The following ZFR variants were observed in gnomAD, a reference collection of about 807,000 sequenced individuals.
The protein encoded by ZFR is zinc finger RNA binding protein.
Under a neutral mutation model 130.7 loss-of-function variants are expected in ZFR, and 19 were observed. That is an observed-to-expected ratio of 0.15 (90% CI 0.10 to 0.21). The LOEUF (loss-of-function observed/expected upper bound fraction) is 0.21. ZFR is among the 10% of genes least tolerant of loss of function. The pLI is 1.00. For synonymous variants in ZFR, 466 were observed against 456.9 expected (o/e 1.02, Z -0.25); for missense variants, 872 against 1,321.5 (o/e 0.66, Z 5.27).
Position 32,397,251 on chromosome 5 carries a change from A to T in ZFR, c.1801T>A (p.Leu601Ile). 1 of 1,611,974 alleles carries T rather than the reference A, an allele frequency of 6.2e-7. No individual in the cohort carries two copies. Among genetic ancestry groups the T allele is most frequent in the Non-Finnish European group, 8.5e-7 (1 of 1,179,094 alleles). Residue 601 changes from leucine to isoleucine, a missense_variant, in exon 10 of 20, where the codon TTA becomes ATA. Leu to Ile is a conservative substitution (Grantham distance 5, BLOSUM62 2). Transcript: ENST00000265069. ...FNDPNAKEMH[L>I]KGRRHRLQYK... ...TGAAGTCTGTGTCTTCGCCCTTTTA[A>T]GTGCATCTCCTTAGCATTGGGATCA...
chr5:32,412,315 T>A (rs1753731584), intron 5 of ZFR, among the ~76,000 whole-genome samples: 2 of 152,312 alleles, frequency 1.3e-5, no homozygotes, highest in Admixed American at 6.5e-5. Context: ...GTTACCTGAA[T>A]CTAAACATAA....
At chr5:32,408,842 C>T (rs1753637664) in intron 5 of ZFR, among the ~76,000 whole-genome samples, 1 of 152,204 alleles carries the variant, frequency 6.6e-6, no homozygotes, top group African/African-American at 2.4e-5. Flanking sequence ...TCTATTATCA[C>T]ACTTTCTATC....
In ZFR at chr5:32,354,950, G is replaced by C. The variant is rs1472074664; in HGVS notation, c.*810C>G. On this transcript the variant is annotated 3_prime_UTR_variant, in exon 20 of 20. Transcript: ENST00000265069. ...TATGTCAAAAAGTCAACTGTACAAA[G>C]ATCTACGTGTTAAACCTAAAATTAT... 1.3e-5 allele frequency: 2 copies of C among 152,156 alleles called. No individual in the cohort carries two copies. The highest frequency in any genetic ancestry group is 4.8e-5 in the African/African-American group (2 of 41,426). The allele number at this position is 152,156 out of a possible 1,614,324, so 9.4% of individuals were successfully genotyped here. A position where few individuals can be genotyped will look rare whatever the true frequency, so the allele number is the denominator to read the frequency against.
At chr5:32,409,230 T>C (rs1036331285) in intron 5 of ZFR, among the ~76,000 whole-genome samples, 1 of 152,176 alleles carries the variant, frequency 6.6e-6, no homozygotes, top group Non-Finnish European at 1.5e-5. Context: ...GAGATCTTAG[T>C]CTAGAAATGG....
chr5:32,387,671 C>T lies in ZFR; in HGVS notation c.2377G>A (p.Val793Ile), dbSNP rs758446395. Residue 793 changes from valine (V) to isoleucine (I), a missense_variant, in exon 14 of 20, where the codon GTA (valine) becomes ATA (isoleucine). Val to Ile is a conservative substitution (Grantham distance 29, BLOSUM62 3). Transcript: ENST00000265069. ...CGGAGAAGTAATCCTTTTGCCAATA[C>T]TCCCACTCGCAAAACTCCTTTCAAA... The part of the protein sequence containing the change: ...RALKGVLRVG[V>I]LAKGLLLRGD... The T allele has an allele frequency of 1.9e-6, 3 of 1,612,170 alleles. No individual in the cohort carries two copies. The African/African-American group carries it at 4.0e-5, about 22-fold the overall frequency.
In ZFR at chr5:32,355,814, A is replaced by G. The variant is rs781303935; in HGVS notation, c.3171T>C (p.Val1057=). 5 of 1,607,264 alleles carry G rather than the reference A, an allele frequency of 3.1e-6. No homozygotes were observed. The highest frequency in any genetic ancestry group is 4.2e-6 in the Non-Finnish European group (5 of 1,177,808). Residue 1057 remains valine (V), a synonymous_variant, in exon 20 of 20, where the codon GTT becomes GTC. Coordinates refer to ENST00000265069, the MANE Select transcript of ZFR (RefSeq NM_016107.5). The part of the protein sequence containing the change: ...NRKRRRDSDG[V]DGFEAEGKKD... ...TTTTCCCCTCAGCTTCAAATCCATC[A>G]ACTCCATCACTATCTCTTCTTCGTT...
intron 17 of ZFR, among the ~76,000 whole-genome samples, chr5:32,377,499 T>C (rs893632539): frequency 2.0e-5 from 3 of 151,180 alleles, no homozygotes; most frequent in African/African-American, 7.3e-5. Flanking sequence ...AACTTTCATA[T>C]AGCAAAAATC....
chr5:32,406,455 C>G (rs528780376), intron 6 of ZFR, among the ~76,000 whole-genome samples: 4 of 151,970 alleles, frequency 2.6e-5, no homozygotes, highest in African/African-American at 9.7e-5. Flanking sequence ...AAAAACACAA[C>G]GAAATAAAAA....
At chr5:32,395,797 AT>A (rs1753291467) in intron 10 of ZFR, among the ~76,000 whole-genome samples, 1 of 152,044 alleles carries the variant, frequency 6.6e-6, no homozygotes, top group South Asian at 2.1e-4. Flanking sequence ...TCTCAATAAT[AT>A]TTTCTCTTCT....
chr5:32,420,068 G>T lies in ZFR; in HGVS notation c.173C>A (p.Pro58Gln), dbSNP rs760506435. 6.2e-7 allele frequency: 1 copy of T among 1,609,592 alleles called. No homozygotes were observed. The highest frequency in any genetic ancestry group is 8.5e-7 in the Non-Finnish European group (1 of 1,177,324). ...QPASGVAYSH[P>Q]TTVASYTVHQ... ...GACAGTGTAGCTAGCAACTGTAGTT[G>T]GATGAGAATAGGCTACACCCGAAGC... The change falls in exon 3 of 20, where the codon CCA becomes CAA. Residue 58 changes from proline to glutamine, a missense_variant. By Grantham distance (76) the Pro-to-Gln change is moderately conservative (BLOSUM62 -1). Around this residue, in one of 7 missense-constraint regions of ZFR, gnomAD observed 240 missense variants for 441.2 expected, o/e 0.54. Coordinates refer to ENST00000265069, the MANE Select transcript of ZFR (RefSeq NM_016107.5).
At chr5:32,435,783 T>C (rs1378998074) in intron 2 of ZFR, among the ~76,000 whole-genome samples, 2 of 152,206 alleles carry the variant, frequency 1.3e-5, no homozygotes, top group Admixed American at 6.5e-5. Context: ...AAAAAATTTA[T>C]TTTCATTTGA....
intron 17 of ZFR, among the ~76,000 whole-genome samples, chr5:32,366,613 ATAGC>A (rs1248826616): frequency 6.6e-6 from 1 of 152,228 alleles, no homozygotes; most frequent in African/African-American, 2.4e-5. Context: ...TCTAAAGAAC[ATAGC>A]TATTCTCCAA....
At chr5:32,432,549 C>T (rs1207237497) in intron 2 of ZFR, among the ~76,000 whole-genome samples, 1 of 152,058 alleles carries the variant, frequency 6.6e-6, no homozygotes, top group African/African-American at 2.4e-5. Flanking sequence ...TAGCTGGTCT[C>T]AAACTCCTGA....
At chr5:32,441,327 T>C (rs367778504) in intron 2 of ZFR, among the ~76,000 whole-genome samples, 2 of 152,242 alleles carry the variant, frequency 1.3e-5, no homozygotes, top group South Asian at 4.1e-4. Flanking sequence ...TATTCAATGA[T>C]AGGTGAAGCA....
At chr5:32,389,575 G>A (rs891276624) in intron 12 of ZFR, among the ~76,000 whole-genome samples, 4 of 151,952 alleles carry the variant, frequency 2.6e-5, no homozygotes, top group African/African-American at 7.3e-5. Flanking sequence ...CCGGCTACTC[G>A]GGAAGCTGAG....
intron 15 of ZFR, among the ~76,000 whole-genome samples, chr5:32,385,196 T>C (rs1412746346): frequency 6.6e-6 from 1 of 151,062 alleles, no homozygotes; most frequent in African/African-American, 2.4e-5. Context: ...TTTAAAACCA[T>C]TTTTTCATGC....
intron 2 of ZFR, among the ~76,000 whole-genome samples, chr5:32,421,752 C>A (rs1753964320): frequency 3.3e-5 from 5 of 151,966 alleles, no homozygotes; most frequent in Admixed American, 3.3e-4. Context: ...GAACAGAGTC[C>A]AAAGAAACTC....
intron 2 of ZFR, among the ~76,000 whole-genome samples, chr5:32,426,896 CTCTT>C (rs1754085878): frequency 1.1e-5 from 1 of 89,418 alleles, no homozygotes; most frequent in African/African-American, 4.8e-5. Flanking sequence ...CAAAGAAACA[CTCTT>C]TCTGAAAAAA....
At chr5:32,410,753 A>C (rs1214665242) in intron 5 of ZFR, among the ~76,000 whole-genome samples, 1 of 152,244 alleles carries the variant, frequency 6.6e-6, no homozygotes. Context: ...GCAATACTCT[A>C]GAACTCATTT....
Sources: gnomAD v4.1 joint callset for allele counts (sites outside exome capture counted in the v4.1 genomes callset) on GRCh38, gnomAD v4.1.1 for gene constraint, gnomAD v4.1.1 regional missense constraint, MANE v1.5 for transcripts, NCBI Gene and HGNC (gene_info 2026-07-23, HGNC 2026-07-21) for gene names.